Variants in YEATS2 observed in about 807,000 individuals in gnomAD.
YEATS2 encodes the protein YEATS domain containing 2.
A neutral mutation model predicts 163.2 loss-of-function variants in YEATS2; 77 were observed. The ratio of observed to expected loss-of-function variants is 0.47; its 90% CI spans 0.39 to 0.57. The LOEUF (loss-of-function observed/expected upper bound fraction) is 0.57, where lower values mean the gene tolerates loss of function less well. Ranked by LOEUF, YEATS2 falls within the 20% of genes least tolerant of loss-of-function variation. The pLI is 0.00. For synonymous variants in YEATS2, 631 were observed against 645.1 expected, an observed-to-expected ratio of 0.98 and a Z score of 0.33; for missense variants, 1,549 against 1,729.8, an observed-to-expected ratio of 0.90 and a Z score of 1.85.
intron 5 of YEATS2, among the ~76,000 whole-genome samples, chr3:183,723,804 C>G (rs182468569): frequency 2.0e-5 from 3 of 151,730 alleles, no homozygotes; most frequent in Admixed American, 1.3e-4. Context: ...CCCATCTACT[C>G]GAGAGGCTGA....
intron 20 of YEATS2, among the ~76,000 whole-genome samples, chr3:183,787,063 C>T (rs1399353413): frequency 6.6e-6 from 1 of 151,984 alleles, no homozygotes; most frequent in Admixed American, 6.6e-5. Context: ...CAAGCGATTC[C>T]CCTGCCTCAG....
intron 7 of YEATS2, 49 bp downstream of exon 7, chr3:183,728,900 T>C: frequency 6.6e-7 from 1 of 1,526,130 alleles, no homozygotes. Flanking sequence ...AGACTTATTT[T>C]TGAAGTGGAA....
At chr3:183,731,520 C>T (rs994832899) in intron 7 of YEATS2, among the ~76,000 whole-genome samples, 7 of 152,108 alleles carry the variant, frequency 4.6e-5, no homozygotes, top group African/African-American at 1.7e-4. Flanking sequence ...ATTTGTAAAA[C>T]ACATTATTTC....
rs747715651 is a variant in YEATS2 at position 183,800,557 on chromosome 3, CTA to C, written c.3419_3420del (p.Tyr1140CysfsTer3). ...KTEESSELGN[Y>X]VIKIDHLETI... is the part of the protein sequence containing the mutation. Reference sequence around the variant, plus strand: ...CAGAAGAAAGTTCTGAGCTGGGAAACTATGTCATTAAGTAATTCTTCCAATCT... The same window carrying C: ...CAGAAGAAAGTTCTGAGCTGGGAAACTGTCATTAAGTAATTCTTCCAATCT... On this transcript the variant is annotated frameshift_variant, in exon 24 of 31. Transcript: ENST00000305135. LOFTEE classifies it high-confidence loss of function. 3.1e-6 allele frequency: 5 copies of C among 1,613,696 alleles called. No individual in the cohort carries two copies. Among genetic ancestry groups the C allele is most frequent in the South Asian group, 1.1e-5 (1 of 91,042 alleles).
chr3:183,724,397 T>C, intron 5 of YEATS2, 22 bp from the exon 6 acceptor site: 1 of 1,546,190 alleles, frequency 6.5e-7, no homozygotes, highest in Non-Finnish European at 8.9e-7. Context: ...TGAGAATGGA[T>C]GTTGATTATG....
At chr3:183,727,082 T>C (rs1717187926) in intron 6 of YEATS2, among the ~76,000 whole-genome samples, 1 of 152,198 alleles carries the variant, frequency 6.6e-6, no homozygotes, top group African/African-American at 2.4e-5. Context: ...ATTACAGGCA[T>C]GAGCCACCAC....
intron 23 of YEATS2, 68 bp downstream of exon 23, chr3:183,799,057 T>G (rs1186651708): frequency 8.4e-7 from 1 of 1,186,780 alleles, no homozygotes; most frequent in Non-Finnish European, 1.3e-6. Context: ...TCACGTTCTC[T>G]CCTGATGTCC....
intron 21 of YEATS2, among the ~76,000 whole-genome samples, chr3:183,795,184 AG>A (rs1190668269): frequency 8.0e-5 from 12 of 149,806 alleles, no homozygotes; most frequent in African/African-American, 3.0e-4. Context: ...AAAAAAAAAA[AG>A]AAAAAGAAAA....
chr3:183,733,773 T>C (rs1227635747), intron 7 of YEATS2, among the ~76,000 whole-genome samples: 2 of 152,172 alleles, frequency 1.3e-5, no homozygotes, highest in East Asian at 3.8e-4. Context: ...GTTGAAGCAC[T>C]TTCTTCCACG....
chr3:183,799,420 T>A (rs1725451354), intron 23 of YEATS2, among the ~76,000 whole-genome samples: 1 of 152,200 alleles, frequency 6.6e-6, no homozygotes, highest in Non-Finnish European at 1.5e-5. Flanking sequence ...AGAGGTTTTT[T>A]AGCTGTGGGG....
intron 20 of YEATS2, among the ~76,000 whole-genome samples, chr3:183,788,248 C>G (rs1264075217): frequency 6.6e-6 from 1 of 151,894 alleles, no homozygotes; most frequent in African/African-American, 2.4e-5. Flanking sequence ...TCTTACTCAT[C>G]CCTTCTAACT....
chr3:183,717,690 A>G lies in YEATS2; in HGVS notation c.140A>G (p.Lys47Arg). Residue 47 changes from lysine to arginine, a missense_variant, in exon 3 of 31, where the codon AAA becomes AGA. Physicochemically the swap from Lys to Arg is conservative, Grantham distance 26. Transcript: ENST00000305135. Reference sequence around the variant, plus strand: ...GTGCAGAAGATTGAGACTATTATCAAAGAACAGTTTGCTCTTGAAATGAAG... The same window carrying G: ...GTGCAGAAGATTGAGACTATTATCAGAGAACAGTTTGCTCTTGAAATGAAG... ...AAVQKIETII[K>R]EQFALEMKNK... is the part of the protein sequence containing the mutation. The G allele has an allele frequency of 1.3e-6, 2 of 1,570,542 alleles. No homozygotes were observed. Among genetic ancestry groups the G allele is most frequent in the Non-Finnish European group, 1.7e-6 (2 of 1,164,920 alleles).
chr3:183,765,235 T>C (rs1027416192), intron 15 of YEATS2, among the ~76,000 whole-genome samples: 2 of 152,246 alleles, frequency 1.3e-5, no homozygotes, highest in East Asian at 3.8e-4. Context: ...TCTGTTTTGC[T>C]TCACATAGGG....
intron 27 of YEATS2, 74 bp downstream of exon 27, chr3:183,804,262 C>T (rs771045787): frequency 8.3e-6 from 13 of 1,564,876 alleles, no homozygotes; most frequent in Non-Finnish European, 1.1e-5. Flanking sequence ...GAGATGAGGA[C>T]TTGGAAGAGT....
At chr3:183,790,209 C>T (rs890333834) in intron 20 of YEATS2, among the ~76,000 whole-genome samples, 4 of 152,134 alleles carry the variant, frequency 2.6e-5, no homozygotes, top group Non-Finnish European at 5.9e-5. Flanking sequence ...TTTCCTGTAC[C>T]CTCCTGTTTC....
At chr3:183,755,011 G>T (rs1371563448) in intron 11 of YEATS2, among the ~76,000 whole-genome samples, 3 of 152,162 alleles carry the variant, frequency 2.0e-5, no homozygotes, top group South Asian at 4.1e-4. Context: ...CTGTATAATA[G>T]TTAAATGAAG....
In YEATS2 at chr3:183,712,227, T is replaced by TATGTTA. The variant is rs1715342537; in HGVS notation, c.-19-2917_-19-2916insATGTTA. ...ATTTTATTTTATTTTATTTTATTTTTTGAGACAGAGTCTCACCCTGTCTCC... is the reference window on the plus strand; with the variant it reads ...ATTTTATTTTATTTTATTTTATTTTTATGTTATGAGACAGAGTCTCACCCTGTCTCC... On this transcript the variant is annotated intron_variant, in intron 1 of 30. Coordinates refer to ENST00000305135, the MANE Select transcript of YEATS2 (RefSeq NM_018023.5). Among the ~76,000 whole-genome samples, 3 of 55,236 alleles carry TATGTTA rather than the reference T, an allele frequency of 5.4e-5. No individual in the cohort carries two copies. The African/African-American group carries it at 6.2e-4, about 11-fold the overall frequency. 36.2% of individuals were successfully genotyped at this position (55,236 alleles called of 152,430 possible). A position where few individuals can be genotyped will look rare whatever the true frequency, so the allele number is the denominator to read the frequency against.
chr3:183,718,411 CTCAT>C, intron 3 of YEATS2, 85 bp from the exon 4 acceptor site: 1 of 843,284 alleles, frequency 1.2e-6, no homozygotes, highest in African/African-American at 1.8e-5. Context: ...TTTTTTTTCA[CTCAT>C]TCACGTTTCT....
At chr3:183,787,738 C>G (rs1048305499) in intron 20 of YEATS2, among the ~76,000 whole-genome samples, 3 of 152,132 alleles carry the variant, frequency 2.0e-5, no homozygotes, top group Admixed American at 1.3e-4. Flanking sequence ...TGGCTCATGC[C>G]TGTAATCCCA....
Sources: allele counts gnomAD v4.1 joint callset (sites outside exome capture counted in the v4.1 genomes callset), GRCh38; gene constraint gnomAD v4.1.1; transcripts MANE v1.5; gene names NCBI Gene and HGNC (gene_info 2026-07-23, HGNC 2026-07-21).